FRMPD4: variants seen among roughly 807,000 people sequenced by gnomAD.
FRMPD4 encodes the protein FERM and PDZ domain containing 4, also known as FERM and PDZ domain-containing protein 4.
A neutral mutation model predicts 94.1 loss-of-function variants in FRMPD4; 22 were observed. The observed-to-expected ratio is 0.23, with a 90% CI of 0.17 to 0.33. The LOEUF is 0.33. Ranked by LOEUF, FRMPD4 falls within the 10% of genes least tolerant of loss-of-function variation. The probability of loss-of-function intolerance (pLI) is 1.00; values close to 1 mark genes in which losing one functional copy is unlikely to be tolerated. For missense variants in FRMPD4, 1,111 were observed against 1,339.9 expected (o/e 0.83, Z 2.67); for synonymous variants, 631 against 548.6 (o/e 1.15, Z -2.10).
At chrX:12,523,119 A>T (rs774287548) in intron 2 of FRMPD4, among the ~76,000 whole-genome samples, 1 of 112,294 alleles carries the variant, frequency 8.9e-6, no homozygotes, top group South Asian at 3.7e-4. Flanking sequence ...GCCAAATGTT[A>T]AACTGTCCCC....
chrX:12,589,386 G>A (rs1287450772), intron 2 of FRMPD4, among the ~76,000 whole-genome samples: 1 of 111,710 alleles, frequency 9.0e-6, no homozygotes, highest in African/African-American at 3.3e-5. Flanking sequence ...TATGGAGAGA[G>A]AAACTGCTCA....
At chrX:12,628,474 T>C (rs1304641585) in intron 4 of FRMPD4, among the ~76,000 whole-genome samples, 2 of 112,385 alleles carry the variant, frequency 1.8e-5, no homozygotes, top group Non-Finnish European at 3.8e-5. Context: ...TTCTCTGTCA[T>C]CTTGCATGCA....
intron 2 of FRMPD4, among the ~76,000 whole-genome samples, chrX:11,871,763 T>C (rs1156301880): frequency 9.0e-6 from 1 of 111,631 alleles, no homozygotes; most frequent in Non-Finnish European, 1.9e-5. Context: ...TGTCCAGGGA[T>C]GAAGCTGGAT....
At chrX:11,962,470 G>C (rs2054288860) in intron 3 of FRMPD4, among the ~76,000 whole-genome samples, 1 of 111,545 alleles carries the variant, frequency 9.0e-6, no homozygotes, top group Non-Finnish European at 1.9e-5. Flanking sequence ...TATCACATTG[G>C]GTATTAGGTT....
chrX:12,314,595 A>C (rs934100832), intron 1 of FRMPD4, among the ~76,000 whole-genome samples: 2 of 112,076 alleles, frequency 1.8e-5, no homozygotes, highest in African/African-American at 6.5e-5. Flanking sequence ...AGAACATAGA[A>C]ATCTCAATTT....
intron 1 of FRMPD4, among the ~76,000 whole-genome samples, chrX:12,206,056 G>C (rs968455191): frequency 1.8e-5 from 2 of 112,078 alleles, no homozygotes; most frequent in Non-Finnish European, 3.8e-5. Context: ...CCTTCTTCAA[G>C]AACACATGAC....
At chrX:12,448,463 A>T (rs1601953986) in intron 1 of FRMPD4, among the ~76,000 whole-genome samples, 2 of 112,441 alleles carry the variant, frequency 1.8e-5, no homozygotes, top group Admixed American at 1.9e-4. Context: ...AAAATGTACA[A>T]TGTAGACTAG....
At chrX:11,841,196 A>G (rs6419051) in intron 1 of FRMPD4, among the ~76,000 whole-genome samples, 12,453 of 106,164 alleles carry the variant, frequency 0.12, 1,070 homozygotes, top group African/African-American at 0.27. Context: ...GAATAGTGCC[A>G]CAATAAACAT....
intron 3 of FRMPD4, among the ~76,000 whole-genome samples, chrX:11,967,734 ATGTGTGTGTGTG>A (rs1169732749): frequency 1.1e-5 from 1 of 90,492 alleles, no homozygotes. Flanking sequence ...TTCTAGGCAG[ATGTGTGTGTGTG>A]TGTGTGTGTG....
chrX:12,099,417 A>G, intron 3 of FRMPD4, among the ~76,000 whole-genome samples: 1 of 112,267 alleles, frequency 8.9e-6, no homozygotes, highest in East Asian at 2.8e-4. Flanking sequence ...AGAATCATTC[A>G]GTTCTTTCCT....
At chrX:12,101,591 G>A (rs925497845) in intron 3 of FRMPD4, among the ~76,000 whole-genome samples, 2 of 111,206 alleles carry the variant, frequency 1.8e-5, no homozygotes, top group Non-Finnish European at 3.8e-5. Context: ...TTATCCTGGG[G>A]ATGCTTATAT....
intron 6 of FRMPD4, among the ~76,000 whole-genome samples, chrX:12,685,865 A>C (rs1189823463): frequency 8.9e-6 from 1 of 112,047 alleles, no homozygotes; most frequent in East Asian, 2.8e-4. Flanking sequence ...CATGTTTGCC[A>C]GTGGGGAATC....
At chrX:12,643,571 T>C (rs2059519683) in intron 4 of FRMPD4, among the ~76,000 whole-genome samples, 1 of 111,657 alleles carries the variant, frequency 9.0e-6, no homozygotes, top group Non-Finnish European at 1.9e-5. Flanking sequence ...GACAGAGCAG[T>C]GGTTCTGGTG....
At chrX:11,907,607 T>C (rs1472115838) in intron 3 of FRMPD4, among the ~76,000 whole-genome samples, 1 of 111,518 alleles carries the variant, frequency 9.0e-6, no homozygotes, top group African/African-American at 3.3e-5. Flanking sequence ...CAGGAGTCCC[T>C]TTTATAAGGG....
At chrX:11,841,427 A>C (rs1432737748) in intron 1 of FRMPD4, among the ~76,000 whole-genome samples, 1 of 107,616 alleles carries the variant, frequency 9.3e-6, no homozygotes, top group Non-Finnish European at 1.9e-5. Context: ...TGACTTTTTA[A>C]TGATTGCCGT....
At chrX:12,224,184 TA>T (rs1419231429) in intron 1 of FRMPD4, among the ~76,000 whole-genome samples, 3 of 111,871 alleles carry the variant, frequency 2.7e-5, no homozygotes, top group Non-Finnish European at 5.6e-5. Context: ...CAAAGGACTT[TA>T]AGAGCAAAGA....
intron 4 of FRMPD4, among the ~76,000 whole-genome samples, chrX:12,652,512 A>G (rs1356705250): frequency 1.8e-5 from 2 of 112,252 alleles, no homozygotes; most frequent in South Asian, 3.7e-4. Flanking sequence ...GTACCCATTA[A>G]GCAATAACTC....
rs191460008 is a variant in FRMPD4 at position 12,278,848 on chromosome X, G to A, written c.41+139836G>A. On this transcript the variant is annotated intron_variant, in intron 1 of 16. Coordinates refer to ENST00000675598, the MANE Select transcript of FRMPD4 (RefSeq NM_001368397.1). Reference sequence around the variant, plus strand: ...CTCAAGTGGAACAACTCTGTGGAACGTTCTATAGCCTCCCAGAGGTCCCCA... The same window carrying A: ...CTCAAGTGGAACAACTCTGTGGAACATTCTATAGCCTCCCAGAGGTCCCCA... Among the ~76,000 whole-genome samples, 227 of 112,128 alleles carry A rather than the reference G, an allele frequency of 2.0e-3. 1 individual carries two copies. The highest frequency in any genetic ancestry group is 3.4e-3 in the Non-Finnish European group (180 of 53,200).
Position 12,600,414 on chromosome X carries a change from T to C in FRMPD4, c.159-9307T>C, listed in dbSNP as rs192048332. Among the ~76,000 whole-genome samples, 361 of 112,419 alleles carry C rather than the reference T, an allele frequency of 3.2e-3. 4 individuals carry two copies. Among genetic ancestry groups the C allele is most frequent in the African/African-American group, 0.011 (349 of 31,046 alleles). On this transcript the variant is annotated intron_variant, in intron 2 of 16. Transcript: ENST00000675598. ...TTAAACAGGTTAGACAAATCCATTT[T>C]CAAGTTTTCAAAGACTGCAGTTTTT...
Sources: allele counts gnomAD v4.1 joint callset (sites outside exome capture counted in the v4.1 genomes callset), GRCh38; gene constraint gnomAD v4.1.1; transcripts MANE v1.5; gene names NCBI Gene and HGNC (gene_info 2026-07-23, HGNC 2026-07-21).